FKBP1A: variants seen among roughly 807,000 people sequenced by gnomAD.
FKBP1A encodes FKBP prolyl isomerase 1A, also known as peptidyl-prolyl cis-trans isomerase FKBP1A.
Under a neutral mutation model 14.2 loss-of-function variants are expected in FKBP1A, and 5 were observed. The ratio of observed to expected loss-of-function variants is 0.35; its 90% CI spans 0.18 to 0.74. FKBP1A has a LOEUF of 0.74. Among genes scored for constraint, FKBP1A ranks in the 30% least tolerant of loss-of-function variants. The probability of loss-of-function intolerance (pLI) is 0.56; values close to 1 mark genes in which losing one functional copy is unlikely to be tolerated. For missense variants in FKBP1A, 53 were observed against 138.8 expected (o/e 0.38, Z 3.10); for synonymous variants, 42 against 49.1 (o/e 0.86, Z 0.60).
chr20:1,382,241 C>G (rs375405022), intron 2 of FKBP1A, among the ~76,000 whole-genome samples: 4 of 152,262 alleles, frequency 2.6e-5, no homozygotes, highest in African/African-American at 9.6e-5. Flanking sequence ...GTGAAACCAC[C>G]TGCCAAGTTA....
Position 1,386,156 on chromosome 20 carries a change from T to C in FKBP1A, c.85+6678A>G, listed in dbSNP as rs1056672789. On this transcript the variant is annotated intron_variant, in intron 2 of 4. Coordinates refer to ENST00000400137, the MANE Select transcript of FKBP1A (RefSeq NM_000801.5). The surrounding 1 kb of genome is among the most constrained non-coding windows in gnomAD (Gnocchi z 4.7). ...TACCCTTTTCTCCTCCTGGCCTGTG[T>C]ATATACCTGGAAGACGCTTTCCTCC... Among the ~76,000 whole-genome samples, 1 of 152,212 alleles carries C rather than the reference T, an allele frequency of 6.6e-6. No individual in the cohort carries two copies. The highest frequency in any genetic ancestry group is 2.4e-5 in the African/African-American group (1 of 41,448).
intron 2 of FKBP1A, among the ~76,000 whole-genome samples, chr20:1,382,580 T>G (rs1044932122): frequency 6.6e-5 from 10 of 152,326 alleles, no homozygotes; most frequent in Admixed American, 4.6e-4. Context: ...AAGAGCACTC[T>G]TGGATTTGCT....
At position 1,371,926 on chromosome 20, in the gene FKBP1A, T is replaced by C. The variant is rs941827386; in HGVS notation, c.*36+150A>G. 9 of 1,422,668 alleles carry C rather than the reference T, an allele frequency of 6.3e-6. No individual in the cohort carries two copies. In the African/African-American group the frequency reaches 1.2e-4, roughly 18 times the overall value. 88.1% of individuals were successfully genotyped at this position (1,422,668 alleles called of 1,614,324 possible). A position where few individuals can be genotyped will look rare whatever the true frequency, so the allele number is the denominator to read the frequency against. On this transcript the variant is annotated intron_variant, in intron 4 of 4. Transcript: ENST00000400137. ...TTTTTACATTCAAAGCATACACTAATAACACTGAAAGGATACTCAATACAG... is the reference window on the plus strand; with the variant it reads ...TTTTTACATTCAAAGCATACACTAACAACACTGAAAGGATACTCAATACAG...
rs535162737 is a variant in FKBP1A, at chr20:1,377,294, G to A, written c.86-1691C>T. The A allele has an allele frequency of 2.6e-5, 4 of 152,322 alleles. No homozygotes were observed. The East Asian group carries it at 7.7e-4, about 29-fold the overall frequency. 9.4% of individuals were successfully genotyped at this position (152,322 alleles called of 1,614,324 possible). ...GACTTTAACAAAGTAAGAAACGGGT[G>A]GGGGTTGGGTGGTGGTATCTTAATA... On this transcript the variant is annotated intron_variant, in intron 2 of 4. Coordinates refer to ENST00000400137, the MANE Select transcript of FKBP1A (RefSeq NM_000801.5).
At chr20:1,390,877 C>T (rs765833417) in intron 2 of FKBP1A, among the ~76,000 whole-genome samples, 6 of 152,174 alleles carry the variant, frequency 3.9e-5, no homozygotes, top group Non-Finnish European at 8.8e-5. Flanking sequence ...AGCTTTTGTC[C>T]TAATGCATGC....
chr20:1,392,747 G>T (rs930583601), intron 2 of FKBP1A, 87 bp downstream of exon 2: 1 of 1,004,310 alleles, frequency 1.0e-6, no homozygotes, highest in Non-Finnish European at 1.3e-6. Context: ...CGGACCCCAG[G>T]CCCCGGGCCC....
In FKBP1A at chr20:1,369,289, C is replaced by T. The variant is rs1254857960; in HGVS notation, c.*820G>A. ...AAACAGCACCTTCAATTGAAACTGT[C>T]AATTAAAGTTCTTAAGATTTAGGAA... On this transcript the variant is annotated 3_prime_UTR_variant, in exon 5 of 5. Coordinates refer to ENST00000400137, the MANE Select transcript of FKBP1A (RefSeq NM_000801.5). The T allele has an allele frequency of 6.1e-6, 1 of 165,250 alleles. No individual in the cohort carries two copies. Among genetic ancestry groups the T allele is most frequent in the Non-Finnish European group, 1.5e-5 (1 of 67,842 alleles). 10.2% of individuals were successfully genotyped at this position (165,250 alleles called of 1,614,324 possible).
At chr20:1,391,847 T>C in intron 2 of FKBP1A, 1 of 386,344 alleles carries the variant, frequency 2.6e-6, no homozygotes, top group Non-Finnish European at 4.6e-6. Context: ...AGGTTATTCG[T>C]ATCAACAACT....
intron 2 of FKBP1A, among the ~76,000 whole-genome samples, chr20:1,380,150 T>C (rs1047569962): frequency 1.3e-5 from 2 of 151,762 alleles, no homozygotes; most frequent in African/African-American, 4.8e-5. Flanking sequence ...CGATGGTTTG[T>C]AGGACACCAG....
chr20:1,392,580 C>T (rs1299663454), intron 2 of FKBP1A, among the ~76,000 whole-genome samples: 2 of 152,184 alleles, frequency 1.3e-5, no homozygotes, highest in African/African-American at 4.8e-5. Flanking sequence ...ATCTAAGGTG[C>T]AGAAATGCTT....
At position 1,369,248 on chromosome 20, in the gene FKBP1A, T is replaced by C. The variant is rs1031429403; in HGVS notation, c.*861A>G. ...TTTGTCATGATGGCTGGGCTTTCAC[T>C]GGGTGTTAAGTCTACAAACAGCACC... On this transcript the variant is annotated 3_prime_UTR_variant, in exon 5 of 5. Coordinates refer to ENST00000400137, the MANE Select transcript of FKBP1A (RefSeq NM_000801.5). 6.0e-5 allele frequency: 10 copies of C among 167,142 alleles called. No homozygotes were observed. The highest frequency in any genetic ancestry group is 2.4e-4 in the African/African-American group (10 of 41,538). The allele number at this position is 167,142 out of a possible 1,614,324, so 10.4% of individuals were successfully genotyped here.
Position 1,392,898 on chromosome 20 carries a change from G to A in FKBP1A, c.38-17C>T. 5.9e-6 allele frequency: 9 copies of A among 1,536,418 alleles called. No homozygotes were observed. Among genetic ancestry groups the A allele is most frequent in the Non-Finnish European group, 7.9e-6 (9 of 1,141,150 alleles). Reference sequence around the variant, plus strand: ...AGGTGCGCCCTGAGGAGACAGAGACGGGCATGCTGAGCCGATGCGCGCGGC... The same window carrying A: ...AGGTGCGCCCTGAGGAGACAGAGACAGGCATGCTGAGCCGATGCGCGCGGC... On this transcript the variant is annotated splice_polypyrimidine_tract_variant and intron_variant, in intron 1 of 4. Coordinates refer to ENST00000400137, the MANE Select transcript of FKBP1A (RefSeq NM_000801.5).
intron 3 of FKBP1A, chr20:1,374,388 A>C (rs953908945): frequency 6.6e-6 from 1 of 152,250 alleles, no homozygotes; most frequent in East Asian, 1.9e-4. Flanking sequence ...GACTTTCTCC[A>C]TAAGTATGAC....
At chr20:1,392,933 A>AC in intron 1 of FKBP1A, 29 bp downstream of exon 1, 1 of 856,650 alleles carries the variant, frequency 1.2e-6, no homozygotes, top group South Asian at 1.5e-5. Flanking sequence ...CGGCAGAGGT[A>AC]CTCCGAGCCG....
At position 1,372,155 on chromosome 20, in the gene FKBP1A, T is replaced by C; in HGVS notation, c.284A>G (p.His95Arg). 1 of 1,613,774 alleles carries C rather than the reference T, an allele frequency of 6.2e-7. No homozygotes were observed. Among genetic ancestry groups the C allele is most frequent in the Non-Finnish European group, 8.5e-7 (1 of 1,179,740 alleles). Reference protein sequence around the residue: ...ATGHPGIIPPHATLVFDVELL... With the variant: ...ATGHPGIIPPRATLVFDVELL... ...CTCCACATCGAAGACGAGAGTGGCA[T>C]GTGGTGGGATGATGCCTGGGTGCCC... Residue 95 changes from histidine to arginine, a missense_variant, in exon 4 of 5, where the codon CAT becomes CGT. His to Arg is a conservative substitution (Grantham distance 29). This residue lies in a region of FKBP1A where 35 missense variants were observed against 118.1 expected (regional missense o/e 0.30). Coordinates refer to ENST00000400137, the MANE Select transcript of FKBP1A (RefSeq NM_000801.5).
chr20:1,371,848 A>G (rs1230432970), intron 4 of FKBP1A: 1 of 1,230,826 alleles, frequency 8.1e-7, no homozygotes, highest in African/African-American at 1.6e-5. Context: ...TGCCATCTCC[A>G]TGAGTTGAAC....
At chr20:1,390,239 C>A (rs139930291) in intron 2 of FKBP1A, among the ~76,000 whole-genome samples, 1 of 151,928 alleles carries the variant, frequency 6.6e-6, no homozygotes, top group Non-Finnish European at 1.5e-5. Flanking sequence ...CTGACTGGAT[C>A]AAGAGTGTTC....
chr20:1,387,775 G>C (rs1018465314), intron 2 of FKBP1A, among the ~76,000 whole-genome samples: 1 of 152,102 alleles, frequency 6.6e-6, no homozygotes, highest in Admixed American at 6.5e-5. Flanking sequence ...CTGGGAGGTC[G>C]AGGCTACAGT....
intron 2 of FKBP1A, among the ~76,000 whole-genome samples, chr20:1,390,495 C>CA (rs1431140411): frequency 6.6e-6 from 1 of 152,030 alleles, no homozygotes. Flanking sequence ...AAACAACAAC[C>CA]AAAAAACAGA....
Sources: allele counts gnomAD v4.1 joint callset (sites outside exome capture counted in the v4.1 genomes callset), GRCh38; gene constraint gnomAD v4.1.1; regional missense constraint gnomAD v4.1.1; non-coding constraint Gnocchi (gnomAD v3.1); transcripts MANE v1.5; gene names NCBI Gene and HGNC (gene_info 2026-07-23, HGNC 2026-07-21).